Variants in CLEC4A observed in about 807,000 individuals in gnomAD.
The protein encoded by CLEC4A is C-type (calcium dependent, carbohydrate-recognition domain) lectin, superfamily member 6.
A neutral mutation model predicts 32.7 loss-of-function variants in CLEC4A; 27 were observed. The observed-to-expected ratio is 0.83, with a 90% CI of 0.61 to 1.14. The LOEUF is 1.14. Ranked by LOEUF, CLEC4A falls within the 50% of genes most tolerant of loss-of-function variation. The probability of loss-of-function intolerance (pLI) is 0.00; values close to 1 mark genes in which losing one functional copy is unlikely to be tolerated. For missense variants in CLEC4A, 253 were observed against 274.6 expected, an observed-to-expected ratio of 0.92 and a Z score of 0.55; for synonymous variants, 89 against 93.7, an observed-to-expected ratio of 0.95 and a Z score of 0.29.
Position 8,134,603 on chromosome 12 carries a change from C to A in CLEC4A, c.299-982C>A, listed in dbSNP as rs1948060156. 2.5e-6 allele frequency: 4 copies of A among 1,612,252 alleles called. No homozygotes were observed. In the South Asian group the frequency reaches 4.4e-5, roughly 18 times the overall value. ...TCTCCAAGCCGTCTTGGGGCACTAG[C>A]CCCACTCCAGTCTGAGGCCCACAGT... On this transcript the variant is annotated intron_variant, in intron 3 of 5. Transcript: ENST00000229332.
At chr12:8,113,840 C>G in the CLEC4A span, among the ~76,000 whole-genome samples, 1 of 152,176 alleles carries the variant, frequency 6.6e-6, no homozygotes, top group East Asian at 1.9e-4. Context: ...TTCTGGAGCT[C>G]TGAGGAGCTG....
At chr12:8,122,796 A>G (rs1450215200), upstream of CLEC4A, among the ~76,000 whole-genome samples, 1 of 152,030 alleles carries the variant, frequency 6.6e-6, no homozygotes, top group Non-Finnish European at 1.5e-5. Context: ...TAGAAATAAT[A>G]TAGAAATATA....
chr12:8,105,355 T>TC, the CLEC4A span, among the ~76,000 whole-genome samples: 2 of 151,630 alleles, frequency 1.3e-5, no homozygotes, highest in Admixed American at 1.3e-4. Context: ...TCTTTTCTTT[T>TC]TTTTTTTTTT....
chr12:8,103,378 T>G, the CLEC4A span, among the ~76,000 whole-genome samples: 2 of 17,506 alleles, frequency 1.1e-4, 1 homozygote, highest in African/African-American at 2.3e-4. Flanking sequence ...TTTCTGTTGT[T>G]TTTTTTTTTT....
the CLEC4A span, among the ~76,000 whole-genome samples, chr12:8,112,469 C>A: frequency 6.6e-6 from 1 of 152,098 alleles, no homozygotes; most frequent in Non-Finnish European, 1.5e-5. Flanking sequence ...GTTTGTTTCT[C>A]TATTTTGTCA....
intron 3 of CLEC4A, chr12:8,134,193 A>C: frequency 6.2e-7 from 1 of 1,610,614 alleles, no homozygotes; most frequent in Non-Finnish European, 8.5e-7. Flanking sequence ...TCTGCTTTGC[A>C]TATCTCCTGA....
At chr12:8,108,131 T>G in the CLEC4A span, among the ~76,000 whole-genome samples, 1 of 152,202 alleles carries the variant, frequency 6.6e-6, no homozygotes, top group Non-Finnish European at 1.5e-5. Context: ...CCACCTTAAT[T>G]TTATTGTTTA....
intron 2 of CLEC4A, among the ~76,000 whole-genome samples, chr12:8,126,074 G>A (rs1240381585): frequency 6.6e-6 from 1 of 152,200 alleles, no homozygotes; most frequent in Non-Finnish European, 1.5e-5. Context: ...TAGACAACAA[G>A]GAGATGGGAA....
intron 3 of CLEC4A, among the ~76,000 whole-genome samples, chr12:8,130,259 A>G (rs1947976024): frequency 6.6e-6 from 1 of 152,210 alleles, no homozygotes; most frequent in African/African-American, 2.4e-5. Flanking sequence ...GGAACTTTCT[A>G]TACACATTTG....
the CLEC4A span, among the ~76,000 whole-genome samples, chr12:8,115,028 C>T: frequency 6.6e-6 from 1 of 152,182 alleles, no homozygotes; most frequent in African/African-American, 2.4e-5. Flanking sequence ...TTGCTTTAGG[C>T]TCCAATCTGC....
the CLEC4A span, among the ~76,000 whole-genome samples, chr12:8,111,202 A>G: frequency 1.0e-5 from 1 of 97,606 alleles, no homozygotes. Flanking sequence ...TTTTTTTGAG[A>G]CAGACTCTGG....
At chr12:8,117,273 C>CT in the CLEC4A span, among the ~76,000 whole-genome samples, 1 of 150,500 alleles carries the variant, frequency 6.6e-6, no homozygotes, top group African/African-American at 2.5e-5. Context: ...TGGAATCTCT[C>CT]TGTTGCGCAG....
the CLEC4A span, among the ~76,000 whole-genome samples, chr12:8,104,578 T>TA: frequency 6.6e-6 from 1 of 152,230 alleles, no homozygotes; most frequent in African/African-American, 2.4e-5. Flanking sequence ...TTTCTTTTTT[T>TA]AAAAAACTTC....
the CLEC4A span, among the ~76,000 whole-genome samples, chr12:8,103,373 G>GGTTT: frequency 4.7e-4 from 37 of 78,020 alleles, no homozygotes; most frequent in African/African-American, 2.0e-3. Flanking sequence ...GTTTCTTTCT[G>GGTTT]TTGTTTTTTT....
intron 3 of CLEC4A, chr12:8,134,986 G>GTTTGTTTTTT: frequency 7.5e-6 from 1 of 133,322 alleles, no homozygotes; most frequent in Non-Finnish European, 1.0e-5. Flanking sequence ...TTTGTTTTTT[G>GTTTGTTTTTT]TTTTTTTTTA....
chr12:8,138,481 T>A lies in CLEC4A; in HGVS notation c.*194T>A. ...TAAAGTGAGCATTTATTGAGCATTT[T>A]TTCATGTGCCAGAGCCTGTACTGGA... is the stretch of plus-strand genomic sequence containing the variant. On this transcript the variant is annotated 3_prime_UTR_variant, in exon 6 of 6. Transcript: ENST00000229332. The A allele has an allele frequency of 1.6e-6, 1 of 611,812 alleles. No homozygotes were observed. Among genetic ancestry groups the A allele is most frequent in the Non-Finnish European group, 2.7e-6 (1 of 371,196 alleles). 37.9% of individuals were successfully genotyped at this position (611,812 alleles called of 1,614,324 possible). A position where few individuals can be genotyped will look rare whatever the true frequency, so the allele number is the denominator to read the frequency against.
At chr12:8,105,104 T>C in the CLEC4A span, among the ~76,000 whole-genome samples, 1 of 152,210 alleles carries the variant, frequency 6.6e-6, no homozygotes, top group Non-Finnish European at 1.5e-5. Flanking sequence ...TACCCAATAA[T>C]GGGATTACTG....
At chr12:8,107,456 G>C in the CLEC4A span, among the ~76,000 whole-genome samples, 1 of 152,076 alleles carries the variant, frequency 6.6e-6, no homozygotes, top group African/African-American at 2.4e-5. Context: ...AGTTCAGCAG[G>C]AACCTCTTCT....
chr12:8,128,490 A>G (rs1404205657), intron 2 of CLEC4A, among the ~76,000 whole-genome samples: 1 of 150,910 alleles, frequency 6.6e-6, no homozygotes, highest in African/African-American at 2.4e-5. Context: ...AGCTCACCGC[A>G]ACCTCCGCCT....
Sources: gnomAD v4.1 joint callset for allele counts (sites outside exome capture counted in the v4.1 genomes callset) on GRCh38, gnomAD v4.1.1 for gene constraint, MANE v1.5 for transcripts, NCBI Gene and HGNC (gene_info 2026-07-23, HGNC 2026-07-21) for gene names.